OSBPL9: variants seen among roughly 807,000 people sequenced by gnomAD.
OSBPL9 encodes oxysterol-binding protein-related protein 9.
Under a neutral mutation model 106.6 loss-of-function variants are expected in OSBPL9, and 40 were observed. The observed-to-expected ratio is 0.38, with a 90% CI of 0.29 to 0.49. The LOEUF is 0.49. Among genes scored for constraint, OSBPL9 ranks in the 20% least tolerant of loss-of-function variants. The pLI is 0.97. For synonymous variants in OSBPL9, 269 were observed against 295.4 expected, an observed-to-expected ratio of 0.91 and a Z score of 0.92; for missense variants, 609 against 887.2, an observed-to-expected ratio of 0.69 and a Z score of 3.98.
intron 1 of OSBPL9, chr1:51,595,047 G>GC (rs1645293118): frequency 6.5e-6 from 1 of 152,752 alleles, no homozygotes; most frequent in Non-Finnish European, 1.5e-5. Flanking sequence ...CTTCTACCTT[G>GC]ACCCAGGGGC....
the OSBPL9 span, among the ~76,000 whole-genome samples, chr1:51,547,474 A>G: frequency 6.6e-6 from 1 of 152,342 alleles, no homozygotes; most frequent in South Asian, 2.1e-4. Flanking sequence ...AAGAACAGAT[A>G]CAAATAAAAA....
chr1:51,766,585 A>G (rs1425917201), intron 12 of OSBPL9, among the ~76,000 whole-genome samples: 1 of 152,216 alleles, frequency 6.6e-6, no homozygotes, highest in Non-Finnish European at 1.5e-5. Flanking sequence ...TAGCTTATAA[A>G]CAACAGAAAT....
At chr1:51,673,972 C>G (rs540465729) in intron 3 of OSBPL9, among the ~76,000 whole-genome samples, 160 of 150,976 alleles carry the variant, frequency 1.1e-3, no homozygotes, top group African/African-American at 3.6e-3. Context: ...GGGTGATGCT[C>G]TTGGCTTGGC....
chr1:51,748,446 TA>T, intron 7 of OSBPL9, 48 bp downstream of exon 7: 1 of 1,432,328 alleles, frequency 7.0e-7, no homozygotes, highest in Non-Finnish European at 9.2e-7. Context: ...GAAAATGTTT[TA>T]AAAAGTTATT....
intron 3 of OSBPL9, among the ~76,000 whole-genome samples, chr1:51,697,423 A>C (rs1310168895): frequency 6.6e-6 from 1 of 151,176 alleles, no homozygotes; most frequent in African/African-American, 2.4e-5. Context: ...ACTTTCAGAG[A>C]AAAGGAGGCC....
At chr1:51,613,013 G>C (rs1643999337), upstream of OSBPL9, among the ~76,000 whole-genome samples, 1 of 152,162 alleles carries the variant, frequency 6.6e-6, no homozygotes, top group Admixed American at 6.5e-5. Flanking sequence ...TTGTTGAGGG[G>C]AATAAAGGAA....
At chr1:51,700,477 G>GT (rs1284197510) in intron 3 of OSBPL9, among the ~76,000 whole-genome samples, 1 of 152,078 alleles carries the variant, frequency 6.6e-6, no homozygotes, top group Admixed American at 6.5e-5. Context: ...TTCTTTATTT[G>GT]TTTTTTATCT....
In OSBPL9 at chr1:51,788,348, A is replaced by G. The variant is rs1557887554; in HGVS notation, c.*559A>G. On this transcript the variant is annotated 3_prime_UTR_variant, in exon 24 of 24. Coordinates refer to ENST00000428468, the MANE Select transcript of OSBPL9 (RefSeq NM_024586.6). ...AGGAAATTTCATGGTCTTACCTACA[A>G]TAACTTTTATTTTGGAATTGAACTA... The G allele has an allele frequency of 1.3e-5, 2 of 152,692 alleles. No homozygotes were observed. Among genetic ancestry groups the G allele is most frequent in the Admixed American group, 6.5e-5 (1 of 15,272 alleles). 9.5% of individuals were successfully genotyped at this position (152,692 alleles called of 1,614,324 possible). A position where few individuals can be genotyped will look rare whatever the true frequency, so the allele number is the denominator to read the frequency against.
At chr1:51,650,439 G>T (rs1646442718) in intron 1 of OSBPL9, among the ~76,000 whole-genome samples, 1 of 152,112 alleles carries the variant, frequency 6.6e-6, no homozygotes, top group Admixed American at 6.5e-5. Context: ...GTAAAAGGGC[G>T]ACTAAATGCT....
the OSBPL9 span, chr1:51,561,865 T>G: frequency 6.6e-6 from 1 of 152,188 alleles, no homozygotes; most frequent in Non-Finnish European, 1.5e-5. Context: ...TGTGGCTCAG[T>G]GGCTCTGAGC....
At chr1:51,521,529 A>G in the OSBPL9 span, among the ~76,000 whole-genome samples, 1 of 152,150 alleles carries the variant, frequency 6.6e-6, no homozygotes. Context: ...CATACAGGAA[A>G]AGTAAGGAAT....
chr1:51,567,975 A>G, the OSBPL9 span: 1 of 152,390 alleles, frequency 6.6e-6, no homozygotes, highest in South Asian at 2.1e-4. Context: ...GCACAATCAA[A>G]TTTGGGATTA....
intron 3 of OSBPL9, among the ~76,000 whole-genome samples, chr1:51,687,224 G>A (rs546670334): frequency 6.6e-6 from 1 of 152,312 alleles, no homozygotes; most frequent in African/African-American, 2.4e-5. Context: ...CAGAACTGAT[G>A]GAGTGCTATT....
chr1:51,696,346 T>G (rs912990125), intron 3 of OSBPL9, among the ~76,000 whole-genome samples: 2 of 152,084 alleles, frequency 1.3e-5, no homozygotes, highest in Non-Finnish European at 2.9e-5. Context: ...CAAAATCCCT[T>G]GCCAACAAAA....
At chr1:51,563,177 T>A in the OSBPL9 span, among the ~76,000 whole-genome samples, 1 of 152,158 alleles carries the variant, frequency 6.6e-6, no homozygotes, top group Non-Finnish European at 1.5e-5. Context: ...GTCACTGCAC[T>A]GCAGCCTGGG....
the OSBPL9 span, among the ~76,000 whole-genome samples, chr1:51,562,689 A>C: frequency 1.3e-5 from 2 of 152,186 alleles, no homozygotes; most frequent in African/African-American, 4.8e-5. Context: ...GCTTGGCCCC[A>C]TGTCTGCACC....
At chr1:51,523,266 TTTTA>T in the OSBPL9 span, among the ~76,000 whole-genome samples, 1 of 151,878 alleles carries the variant, frequency 6.6e-6, no homozygotes, top group African/African-American at 2.4e-5. Context: ...CTTTTTTTTG[TTTTA>T]TTTATTTATT....
At chr1:51,530,254 A>G in the OSBPL9 span, among the ~76,000 whole-genome samples, 1,037 of 150,544 alleles carry the variant, frequency 6.9e-3, 9 homozygotes, top group African/African-American at 0.024. Context: ...AGAGGAGGCA[A>G]TGATTTCTTA....
chr1:51,787,514 A>G (rs778579545), intron 23 of OSBPL9, 26 bp downstream of exon 23: 1 of 1,613,396 alleles, frequency 6.2e-7, no homozygotes, highest in East Asian at 2.2e-5. Context: ...CCACCCTCCT[A>G]AGTGCTGTTC....
Sources: gnomAD v4.1 joint callset for allele counts (sites outside exome capture counted in the v4.1 genomes callset) on GRCh38, gnomAD v4.1.1 for gene constraint, MANE v1.5 for transcripts, NCBI Gene and HGNC (gene_info 2026-07-23, HGNC 2026-07-21) for gene names.